BFSP2: variants seen among roughly 807,000 people sequenced by gnomAD.
BFSP2 encodes the protein beaded filament structural protein 2, also known as phakinin.
In BFSP2, 38 loss-of-function variants were observed where a neutral mutation model predicts 44.9. The ratio of observed to expected loss-of-function variants is 0.85; its 90% CI spans 0.65 to 1.11. The LOEUF is 1.11. Among genes scored for constraint, BFSP2 ranks in the 50% least tolerant of loss-of-function variants. The probability of loss-of-function intolerance (pLI) is 0.00; values close to 1 mark genes in which losing one functional copy is unlikely to be tolerated. For missense variants in BFSP2, 525 were observed against 533.0 expected, an observed-to-expected ratio of 0.99 and a Z score of 0.15; for synonymous variants, 197 against 209.9, an observed-to-expected ratio of 0.94 and a Z score of 0.53.
chr3:133,432,891 A>G (rs1029263489), intron 1 of BFSP2, among the ~76,000 whole-genome samples: 1 of 152,126 alleles, frequency 6.6e-6, no homozygotes, highest in Non-Finnish European at 1.5e-5. Context: ...TGTCCAAACA[A>G]CTTGACCTTA....
intron 1 of BFSP2, among the ~76,000 whole-genome samples, chr3:133,417,941 C>T (rs1166443520): frequency 2.9e-5 from 4 of 139,472 alleles, no homozygotes; most frequent in Admixed American, 7.2e-5. Flanking sequence ...CTCACCCGTC[C>T]TCTCCCCTCT....
chr3:133,447,059 G>A (rs914742724), intron 1 of BFSP2, among the ~76,000 whole-genome samples: 4 of 152,096 alleles, frequency 2.6e-5, no homozygotes, highest in African/African-American at 4.8e-5. Flanking sequence ...GAACAAGTCT[G>A]CCTTTGAATA....
At position 133,400,083 on chromosome 3, in the gene BFSP2, G is replaced by A; in HGVS notation, c.-1G>A. On this transcript the variant is annotated 5_prime_UTR_variant, in exon 1 of 7. Coordinates refer to ENST00000302334, the MANE Select transcript of BFSP2 (RefSeq NM_003571.4). This position sits in a 1 kb window ranked among gnomAD's most constrained non-coding sequence, Gnocchi z 4.0. ...TGGGCACCACAGAGGCAGAAGGGGT[G>A]ATGAGTGAGAGGCGAGTGGTAGTGG... The A allele has an allele frequency of 6.2e-7, 1 of 1,614,176 alleles. No homozygotes were observed. Among genetic ancestry groups the A allele is most frequent in the Non-Finnish European group, 8.5e-7 (1 of 1,180,042 alleles).
chr3:133,460,770 C>T (rs1289815109), intron 4 of BFSP2, among the ~76,000 whole-genome samples: 2 of 152,168 alleles, frequency 1.3e-5, no homozygotes, highest in Non-Finnish European at 2.9e-5. Context: ...ATGAACAGCA[C>T]GATGAGATTA....
chr3:133,427,894 G>C (rs1392909288), intron 1 of BFSP2, among the ~76,000 whole-genome samples: 2 of 152,194 alleles, frequency 1.3e-5, no homozygotes, highest in Admixed American at 6.5e-5. Context: ...AATTTGTTCT[G>C]AGGGTTTTGC....
chr3:133,445,244 T>A (rs1267601779), intron 1 of BFSP2, among the ~76,000 whole-genome samples: 2 of 152,118 alleles, frequency 1.3e-5, no homozygotes, highest in Non-Finnish European at 2.9e-5. Context: ...TTGCTCTCAA[T>A]GGAGGCAGCA....
At chr3:133,436,784 T>C (rs1304173725) in intron 1 of BFSP2, among the ~76,000 whole-genome samples, 1 of 152,116 alleles carries the variant, frequency 6.6e-6, no homozygotes, top group African/African-American at 2.4e-5. Context: ...GGCCCTGGTG[T>C]GTGATGTTCC....
At chr3:133,426,202 G>T (rs1399873829) in intron 1 of BFSP2, among the ~76,000 whole-genome samples, 14 of 151,698 alleles carry the variant, frequency 9.2e-5, no homozygotes, top group Non-Finnish European at 1.6e-4. Flanking sequence ...TCAGTTGACC[G>T]CCTGTGACCC....
At chr3:133,469,336 T>A (rs1223714538) in intron 5 of BFSP2, among the ~76,000 whole-genome samples, 1 of 152,248 alleles carries the variant, frequency 6.6e-6, no homozygotes, top group Non-Finnish European at 1.5e-5. Context: ...GTCAGAGCGA[T>A]CTGTGCACAC....
At chr3:133,472,675 C>T (rs1299078250) in intron 6 of BFSP2, 110 bp downstream of exon 6, 15 of 1,360,822 alleles carry the variant, frequency 1.1e-5, no homozygotes, top group African/African-American at 1.4e-5. Context: ...CCCCAGACTT[C>T]CTCTCACATA....
At chr3:133,402,511 T>A (rs1322772129) in intron 1 of BFSP2, among the ~76,000 whole-genome samples, 1 of 152,142 alleles carries the variant, frequency 6.6e-6, no homozygotes, top group Non-Finnish European at 1.5e-5. Context: ...GGATCCCACA[T>A]GGGCTCACTT....
chr3:133,447,740 T>G (rs13097062), intron 2 of BFSP2, among the ~76,000 whole-genome samples: 98,984 of 152,006 alleles, frequency 0.65, 35,365 homozygotes, highest in Middle Eastern at 0.87. Flanking sequence ...AAATTTATAT[T>G]CCTAACAAGT....
At chr3:133,406,545 CT>C (rs2073406460) in intron 1 of BFSP2, among the ~76,000 whole-genome samples, 1 of 152,036 alleles carries the variant, frequency 6.6e-6, no homozygotes, top group Non-Finnish European at 1.5e-5. Flanking sequence ...CAGACAGCCC[CT>C]AGCCTTGCCG....
intron 1 of BFSP2, among the ~76,000 whole-genome samples, chr3:133,419,858 T>G (rs566713748): frequency 1.3e-5 from 2 of 152,356 alleles, no homozygotes; most frequent in African/African-American, 4.8e-5. Flanking sequence ...GCAGAATGAC[T>G]TTATCTGAGT....
At chr3:133,437,387 G>T (rs1047841471) in intron 1 of BFSP2, among the ~76,000 whole-genome samples, 2 of 152,086 alleles carry the variant, frequency 1.3e-5, no homozygotes, top group African/African-American at 4.8e-5. Context: ...GCCGGGCATG[G>T]TGGCACATAC....
At chr3:133,469,747 A>C (rs1200857598) in intron 5 of BFSP2, among the ~76,000 whole-genome samples, 1 of 152,270 alleles carries the variant, frequency 6.6e-6, no homozygotes, top group African/African-American at 2.4e-5. Flanking sequence ...TCTTTCTGCC[A>C]TAATGTCAGG....
intron 1 of BFSP2, among the ~76,000 whole-genome samples, chr3:133,434,524 A>C (rs2073761898): frequency 6.6e-6 from 1 of 152,162 alleles, no homozygotes; most frequent in African/African-American, 2.4e-5. Flanking sequence ...TAATATAAGA[A>C]GGCAGGAATG....
chr3:133,446,207 G>A (rs536233828), intron 1 of BFSP2, among the ~76,000 whole-genome samples: 28 of 152,100 alleles, frequency 1.8e-4, no homozygotes, highest in Non-Finnish European at 3.4e-4. Flanking sequence ...GATAATTTGA[G>A]GTCAGGAGTT....
At chr3:133,411,515 C>A (rs142182041) in intron 1 of BFSP2, among the ~76,000 whole-genome samples, 4 of 152,108 alleles carry the variant, frequency 2.6e-5, no homozygotes, top group African/African-American at 7.2e-5. Context: ...CACATCACCA[C>A]CTATGAAGTA....
Sources: allele counts gnomAD v4.1 joint callset (sites outside exome capture counted in the v4.1 genomes callset), GRCh38; gene constraint gnomAD v4.1.1; non-coding constraint Gnocchi (gnomAD v3.1); transcripts MANE v1.5; gene names NCBI Gene and HGNC (gene_info 2026-07-23, HGNC 2026-07-21).